NCOR2: variants seen among roughly 807,000 people sequenced by gnomAD.
NCOR2 encodes nuclear receptor corepressor 2, also known as CTG repeat protein 26.
NCOR2 carries 81 observed loss-of-function variants against 262.9 expected under a neutral mutation model. The ratio of observed to expected loss-of-function variants is 0.31; its 90% CI spans 0.26 to 0.37. NCOR2 has a LOEUF of 0.37. Ranked by LOEUF, NCOR2 falls within the 10% of genes least tolerant of loss-of-function variation. The probability of loss-of-function intolerance (pLI) is 1.00; values close to 1 mark genes in which losing one functional copy is unlikely to be tolerated. For synonymous variants in NCOR2, 1,659 were observed against 1,559.3 expected, an observed-to-expected ratio of 1.06 and a Z score of -1.51; for missense variants, 3,385 against 3,621.4, an observed-to-expected ratio of 0.93 and a Z score of 1.68.
intron 1 of NCOR2, among the ~76,000 whole-genome samples, chr12:124,522,936 C>T (rs954561397): frequency 2.0e-5 from 3 of 152,204 alleles, no homozygotes; most frequent in Non-Finnish European, 2.9e-5. Flanking sequence ...TGGCAGGCAT[C>T]CATGAGCCAG....
intron 16 of NCOR2, among the ~76,000 whole-genome samples, chr12:124,395,800 C>T (rs780196266): frequency 5.3e-5 from 8 of 152,160 alleles, no homozygotes; most frequent in African/African-American, 2.4e-5. Context: ...GGGATGTCCA[C>T]GCGGAGTCCT....
intron 17 of NCOR2, among the ~76,000 whole-genome samples, chr12:124,382,407 C>A (rs552268089): frequency 1.3e-5 from 2 of 152,210 alleles, no homozygotes; most frequent in African/African-American, 4.8e-5. Flanking sequence ...CAACCCCACA[C>A]TCCCAAATCA....
chr12:124,417,613 C>T (rs1373108242), intron 13 of NCOR2, among the ~76,000 whole-genome samples: 4 of 150,100 alleles, frequency 2.7e-5, no homozygotes, highest in African/African-American at 1.0e-4. Context: ...TGATGTTTTC[C>T]AAATACCTCT....
chr12:124,325,383 C>CGG, exon 47 of NCOR2: 2 of 440,024 alleles, frequency 4.5e-6, no homozygotes, highest in Non-Finnish European at 7.0e-6. Context: ...CACCGCCCCC[C>CGG]CCCCCGCCCT....
chr12:124,392,430 A>G (rs559806612), intron 16 of NCOR2, among the ~76,000 whole-genome samples: 1 of 152,258 alleles, frequency 6.6e-6, no homozygotes, highest in East Asian at 1.9e-4. Flanking sequence ...ACACGTGGTG[A>G]CAGTCTCCTT....
chr12:124,381,053 G>A (rs1172510180), intron 17 of NCOR2, among the ~76,000 whole-genome samples: 3 of 152,074 alleles, frequency 2.0e-5, no homozygotes, highest in African/African-American at 4.8e-5. Flanking sequence ...GCAAATCAGC[G>A]CATGCCACCC....
chr12:124,516,513 G>A (rs556280224), intron 1 of NCOR2, among the ~76,000 whole-genome samples: 1 of 152,198 alleles, frequency 6.6e-6, no homozygotes, highest in Non-Finnish European at 1.5e-5. Context: ...AAAAATGGAC[G>A]GAACTCGAAC....
intron 18 of NCOR2, among the ~76,000 whole-genome samples, chr12:124,376,872 C>T (rs551207102): frequency 6.6e-6 from 1 of 152,340 alleles, no homozygotes; most frequent in Admixed American, 6.5e-5. Context: ...TCACCAAGGA[C>T]TTGGGCTCCG....
intron 7 of NCOR2, among the ~76,000 whole-genome samples, chr12:124,438,813 AGACCCAGAGAGAGG>A (rs2044572482): frequency 6.6e-6 from 1 of 150,890 alleles, no homozygotes; most frequent in African/African-American, 2.4e-5. Flanking sequence ...AGAGAGACGG[AGACCCAGAGAGAGG>A]GAGACAGAGA....
At position 124,566,765 on chromosome 12, in the gene NCOR2, C is replaced by T. The variant is rs938722416; in HGVS notation, c.-165+543G>A. 3.3e-5 allele frequency among the ~76,000 whole-genome samples: 5 copies of T among 152,206 alleles called. No individual in the cohort carries two copies. Among genetic ancestry groups the T allele is most frequent in the Admixed American group, 2.6e-4 (4 of 15,290 alleles). ...GGGCGACTCTCCCGAGGGACCCCGC[C>T]CAGCGCCCCGTGGCCCCACGCCTAG... On this transcript the variant is annotated intron_variant, in intron 1 of 32. Coordinates refer to the NCOR2 transcript ENST00000458234. This position sits in a 1 kb window ranked among gnomAD's most constrained non-coding sequence, Gnocchi z 4.3.
chr12:124,479,267 C>T (rs1331592585), intron 3 of NCOR2, among the ~76,000 whole-genome samples: 9 of 152,032 alleles, frequency 5.9e-5, no homozygotes, highest in South Asian at 2.1e-4. Flanking sequence ...CACAAACACA[C>T]GCACACATGC....
chr12:124,444,418 TGA>T (rs1448522611), intron 7 of NCOR2, among the ~76,000 whole-genome samples: 2 of 152,120 alleles, frequency 1.3e-5, no homozygotes, highest in African/African-American at 4.8e-5. Context: ...GCAGGAATTA[TGA>T]GAGTATTCCA....
intron 1 of NCOR2, among the ~76,000 whole-genome samples, chr12:124,562,975 G>C (rs1230158837): frequency 6.6e-6 from 1 of 152,200 alleles, no homozygotes; most frequent in Non-Finnish European, 1.5e-5. Context: ...CCCCATTTTA[G>C]AGATGAGCAA....
intron 12 of NCOR2, among the ~76,000 whole-genome samples, chr12:124,421,318 C>T (rs2043191937): frequency 1.3e-5 from 2 of 152,254 alleles, no homozygotes. Context: ...AGCACAAAGA[C>T]TTCTAATCCC....
In NCOR2 at chr12:124,425,604, C is replaced by T. The variant is rs1480859964; in HGVS notation, c.1328+1018G>A. Among the ~76,000 whole-genome samples, 3 of 152,040 alleles carry T rather than the reference C, an allele frequency of 2.0e-5. 1 individual carries two copies. Among genetic ancestry groups the T allele is most frequent in the African/African-American group, 7.3e-5 (3 of 41,374 alleles). On this transcript the variant is annotated intron_variant, in intron 11 of 46. Coordinates refer to ENST00000405201, the Ensembl canonical transcript of NCOR2. ...GGCCCACGATCTCCTCTGGGGACCC[C>T]GGGCCAGGGATGGAGGTCTCCTTCT...
chr12:124,342,886 G>C (rs545454867), intron 33 of NCOR2, 119 bp downstream of exon 35: 1 of 1,114,712 alleles, frequency 9.0e-7, no homozygotes, highest in Non-Finnish European at 1.3e-6. Context: ...CGAGGCCTCA[G>C]TTTCGCCATC....
At chr12:124,375,803 C>T (rs2039946241) in intron 18 of NCOR2, among the ~76,000 whole-genome samples, 1 of 152,204 alleles carries the variant, frequency 6.6e-6, no homozygotes, top group Admixed American at 6.5e-5. Flanking sequence ...GGAGAAACCA[C>T]TGGGCCAGGG....
chr12:124,325,377 G>GCCA lies in NCOR2; in HGVS notation c.*24_*25insTGG, dbSNP rs762207402. ...CTGTGGCTCGCTGGGACCTGACACC[G>GCCA]CCCCCCCCCCCGCCCTGTTCTGAGT... On this transcript the variant is annotated 3_prime_UTR_variant, in exon 47 of 47. Coordinates refer to ENST00000405201, the Ensembl canonical transcript of NCOR2. The GCCA allele has an allele frequency of 2.0e-5, 5 of 251,138 alleles. 1 individual carries two copies. Among genetic ancestry groups the GCCA allele is most frequent in the Admixed American group, 1.3e-4 (1 of 7,866 alleles). The allele number at this position is 251,138 out of a possible 1,614,324, so 15.6% of individuals were successfully genotyped here. A position where few individuals can be genotyped will look rare whatever the true frequency, so the allele number is the denominator to read the frequency against.
intron 32 of NCOR2, among the ~76,000 whole-genome samples, chr12:124,344,322 G>A (rs1343188918): frequency 3.3e-5 from 5 of 152,234 alleles, no homozygotes; most frequent in African/African-American, 7.2e-5. Context: ...TTTTTAGAAA[G>A]TATCCGGGTA....
Sources: allele counts gnomAD v4.1 joint callset (sites outside exome capture counted in the v4.1 genomes callset), GRCh38; gene constraint gnomAD v4.1.1; non-coding constraint Gnocchi (gnomAD v3.1); transcripts MANE v1.5; gene names NCBI Gene and HGNC (gene_info 2026-07-23, HGNC 2026-07-21).